The following EPHA6 variants were observed in gnomAD, a reference collection of about 807,000 sequenced individuals.
EPHA6 encodes EPH receptor A6, also known as ephrin type-A receptor 6.
A neutral mutation model predicts 112.0 loss-of-function variants in EPHA6; 50 were observed. The ratio of observed to expected loss-of-function variants is 0.45; its 90% confidence interval spans 0.36 to 0.56. The LOEUF is 0.56. Ranked by LOEUF, EPHA6 falls within the 20% of genes least tolerant of loss-of-function variation. EPHA6 has a pLI of 0.00. For missense variants in EPHA6, 1,280 were observed against 1,417.4 expected (o/e 0.90, Z 1.56); for synonymous variants, 529 against 490.7 (o/e 1.08, Z -1.03).
At chr3:97,142,988 A>C (rs1332496175) in intron 3 of EPHA6, among the ~76,000 whole-genome samples, 1 of 151,902 alleles carries the variant, frequency 6.6e-6, no homozygotes, top group Admixed American at 6.6e-5. Context: ...CAGAGAAGTT[A>C]GGCAAGAGAA....
At chr3:96,986,762 T>A (rs1050107885) in intron 2 of EPHA6, among the ~76,000 whole-genome samples, 1 of 152,208 alleles carries the variant, frequency 6.6e-6, no homozygotes, top group Non-Finnish European at 1.5e-5. Flanking sequence ...GGTATGGGAA[T>A]GCCTGATAAA....
chr3:97,433,923 T>C (rs565076046), intron 6 of EPHA6, among the ~76,000 whole-genome samples: 2 of 152,244 alleles, frequency 1.3e-5, no homozygotes, highest in South Asian at 4.1e-4. Context: ...TGGTGCTTTC[T>C]AATGGTGTTA....
rs191413520 is a variant in EPHA6, at chr3:96,870,919, A to G, written c.450+4030A>G. Among the ~76,000 whole-genome samples the G allele has an allele frequency of 3.4e-4, 51 of 152,184 alleles. 2 individuals are homozygous for G. The highest frequency in any genetic ancestry group is 2.4e-3 in the Admixed American group (36 of 15,260). ...AGTAAGAAGTAATTCATCATAGTAG[A>G]AGATTTCAGTATTACATTTTGATTC... On this transcript the variant is annotated intron_variant, in intron 2 of 17. Transcript: ENST00000389672.
At chr3:97,652,434 A>C (rs1180718226) in intron 14 of EPHA6, among the ~76,000 whole-genome samples, 4 of 152,082 alleles carry the variant, frequency 2.6e-5, no homozygotes. Context: ...GTTTTCAATG[A>C]GCTCAGATCC....
intron 12 of EPHA6, among the ~76,000 whole-genome samples, chr3:97,608,685 G>A (rs1020422640): frequency 2.0e-5 from 3 of 151,128 alleles, no homozygotes; most frequent in African/African-American, 7.3e-5. Flanking sequence ...GATTATCCTG[G>A]CAGGTGACTA....
chr3:96,892,954 ATGTG>A (rs144428670), intron 2 of EPHA6, among the ~76,000 whole-genome samples: 1,668 of 132,368 alleles, frequency 0.013, 16 homozygotes, highest in Non-Finnish European at 0.019. Flanking sequence ...ATATATATAT[ATGTG>A]TGTGTGTGTG....
intron 3 of EPHA6, among the ~76,000 whole-genome samples, chr3:97,101,451 A>G (rs1174525635): frequency 3.3e-5 from 5 of 151,960 alleles, no homozygotes; most frequent in Non-Finnish European, 5.9e-5. Flanking sequence ...TAATTTCCAA[A>G]TAAGTTATAA....
chr3:97,340,633 C>T (rs1020901900), intron 5 of EPHA6, among the ~76,000 whole-genome samples: 1 of 152,142 alleles, frequency 6.6e-6, no homozygotes, highest in Non-Finnish European at 1.5e-5. Flanking sequence ...CATTTAATTT[C>T]CCCCAATCCT....
At chr3:97,617,548 C>T (rs1294090718) in intron 13 of EPHA6, among the ~76,000 whole-genome samples, 2 of 151,996 alleles carry the variant, frequency 1.3e-5, no homozygotes, top group Non-Finnish European at 2.9e-5. Flanking sequence ...CACTCACATG[C>T]AGTAACACAG....
intron 3 of EPHA6, among the ~76,000 whole-genome samples, chr3:97,105,464 A>G (rs2047536696): frequency 1.3e-5 from 2 of 152,054 alleles, no homozygotes; most frequent in African/African-American, 2.4e-5. Flanking sequence ...CATGGTTTTG[A>G]GCAATTGTTT....
chr3:97,032,449 A>C (rs1466222366), intron 3 of EPHA6, among the ~76,000 whole-genome samples: 4 of 152,046 alleles, frequency 2.6e-5, no homozygotes, highest in Non-Finnish European at 5.9e-5. Context: ...AAAGTATAAT[A>C]ATAAAATAAA....
At chr3:97,498,132 G>A (rs1051430119) in intron 10 of EPHA6, among the ~76,000 whole-genome samples, 5 of 152,004 alleles carry the variant, frequency 3.3e-5, no homozygotes, top group African/African-American at 4.8e-5. Flanking sequence ...CTTGTTTGAC[G>A]AAAATCACTA....
chr3:97,377,903 A>C (rs1274815949), intron 5 of EPHA6, among the ~76,000 whole-genome samples: 1 of 152,168 alleles, frequency 6.6e-6, no homozygotes, highest in Non-Finnish European at 1.5e-5. Flanking sequence ...AAGTTTGGAA[A>C]ATTTGCAGAC....
At chr3:97,588,513 A>T (rs912359433) in intron 11 of EPHA6, among the ~76,000 whole-genome samples, 1 of 152,224 alleles carries the variant, frequency 6.6e-6, no homozygotes, top group Non-Finnish European at 1.5e-5. Flanking sequence ...TTTGCCATCA[A>T]AAGTAAATTA....
intron 3 of EPHA6, among the ~76,000 whole-genome samples, chr3:97,141,734 A>G (rs2075910316): frequency 6.6e-6 from 1 of 151,962 alleles, no homozygotes; most frequent in South Asian, 2.1e-4. Flanking sequence ...AAATACAGAG[A>G]ACTGAAATTA....
At chr3:97,388,659 C>T (rs181847015) in intron 5 of EPHA6, among the ~76,000 whole-genome samples, 46 of 152,226 alleles carry the variant, frequency 3.0e-4, no homozygotes, top group African/African-American at 9.4e-4. Context: ...CAATCTTCCT[C>T]GGCTACTAAA....
At chr3:97,406,165 T>C (rs186780093) in intron 6 of EPHA6, among the ~76,000 whole-genome samples, 1 of 152,324 alleles carries the variant, frequency 6.6e-6, no homozygotes, top group East Asian at 1.9e-4. Context: ...AGGAATTTAG[T>C]CTTCCTCTGA....
intron 5 of EPHA6, among the ~76,000 whole-genome samples, chr3:97,362,034 A>T (rs1306770546): frequency 6.6e-6 from 1 of 152,196 alleles, no homozygotes; most frequent in African/African-American, 2.4e-5. Context: ...TGAGCCACTG[A>T]AGAAAAAGTA....
chr3:97,188,122 A>C (rs566667836), intron 3 of EPHA6, among the ~76,000 whole-genome samples: 2 of 152,256 alleles, frequency 1.3e-5, no homozygotes, highest in African/African-American at 2.4e-5. Flanking sequence ...TTATTTTTCC[A>C]GGAAAATATT....
Sources: allele counts gnomAD v4.1 joint callset (sites outside exome capture counted in the v4.1 genomes callset), GRCh38; gene constraint gnomAD v4.1.1; transcripts MANE v1.5; gene names NCBI Gene and HGNC (gene_info 2026-07-23, HGNC 2026-07-21).